ANKEF1: variants seen among roughly 807,000 people sequenced by gnomAD.
The protein encoded by ANKEF1 is ankyrin repeat and EF-hand domain-containing protein 1.
In ANKEF1, 43 loss-of-function variants were observed where a neutral mutation model predicts 65.1. The ratio of observed to expected loss-of-function variants is 0.66; its 90% CI spans 0.52 to 0.85. ANKEF1 has a LOEUF of 0.85. Ranked by LOEUF, ANKEF1 falls within the 40% of genes least tolerant of loss-of-function variation. ANKEF1 has a pLI of 0.00. For missense variants in ANKEF1, 934 were observed against 952.9 expected, an observed-to-expected ratio of 0.98 and a Z score of 0.26; for synonymous variants, 316 against 341.5, an observed-to-expected ratio of 0.93 and a Z score of 0.82.
At position 10,045,558 on chromosome 20, in the gene ANKEF1, A is replaced by T. The variant is rs1384077932; in HGVS notation, c.697-16A>T. The T allele has an allele frequency of 1.9e-6, 3 of 1,612,018 alleles. No homozygotes were observed. In the South Asian group the frequency reaches 3.3e-5, roughly 18 times the overall value. ...ACATTCCTATTCCTCCACAATATCCACTATTTATTTTACAGATATTGAAGC... is the reference window on the plus strand; with the variant it reads ...ACATTCCTATTCCTCCACAATATCCTCTATTTATTTTACAGATATTGAAGC... On this transcript the variant is annotated splice_polypyrimidine_tract_variant and intron_variant, in intron 5 of 10. Coordinates refer to ENST00000378392, the MANE Select transcript of ANKEF1 (RefSeq NM_022096.6).
At position 10,038,426 on chromosome 20, in the gene ANKEF1, A is replaced by G. The variant is rs751050385; in HGVS notation, c.125A>G (p.Tyr42Cys). The G allele has an allele frequency of 1.9e-6, 3 of 1,614,176 alleles. No homozygotes were observed. The highest frequency in any genetic ancestry group is 2.5e-6 in the Non-Finnish European group (3 of 1,180,002). Residue 42 changes from tyrosine (Y) to cysteine (C), a missense_variant, in exon 3 of 11, where the codon TAT becomes TGT. Transcript: ENST00000378392. Reference sequence around the variant, plus strand: ...CTTGGATACCCTGAACTAATCAATTATACAGAACCCATTAATGGACTTAGT... The same window carrying G: ...CTTGGATACCCTGAACTAATCAATTGTACAGAACCCATTAATGGACTTAGT... ...TKLGYPELINYTEPINGLSAL... is the reference protein window; with the variant it reads ...TKLGYPELINCTEPINGLSAL...
chr20:10,038,698 GA>G (rs1249255402), intron 3 of ANKEF1, 51 bp downstream of exon 3: 4 of 1,391,366 alleles, frequency 2.9e-6, no homozygotes, highest in Non-Finnish European at 2.9e-6. Context: ...TTTGTAGCCA[GA>G]AAGCAATAAC....
In ANKEF1 at chr20:10,045,450, T is replaced by A. The variant is rs1984460889; in HGVS notation, c.697-124T>A. 4.1e-6 allele frequency: 4 copies of A among 966,042 alleles called. No individual in the cohort carries two copies. In the South Asian group the frequency reaches 5.1e-5, roughly 12 times the overall value. The allele number at this position is 966,042 out of a possible 1,614,324, so 59.8% of individuals were successfully genotyped here. A position where few individuals can be genotyped will look rare whatever the true frequency, so the allele number is the denominator to read the frequency against. On this transcript the variant is annotated intron_variant, in intron 5 of 10. Transcript: ENST00000378392. Reference sequence around the variant, plus strand: ...ATTTTCAGTTTAGTTCATTTCAATTTGAATTTTCAATAGTCATACGTGGCT... The same window carrying A: ...ATTTTCAGTTTAGTTCATTTCAATTAGAATTTTCAATAGTCATACGTGGCT...
chr20:10,036,470 G>A (rs1312295621), intron 2 of ANKEF1, among the ~76,000 whole-genome samples: 5 of 152,156 alleles, frequency 3.3e-5, no homozygotes, highest in African/African-American at 9.7e-5. Context: ...TCACCAAGCC[G>A]TGCAGCAAAG....
In ANKEF1 at chr20:10,035,168, C is replaced by G. The variant is rs1983762335; in HGVS notation, c.-274C>G. On this transcript the variant is annotated 5_prime_UTR_variant, in exon 1 of 11. It adds an upstream start codon to the 5' untranslated region. Transcript: ENST00000378392. Reference sequence around the variant, plus strand: ...CTCACCAGCCCTACCCAAGGGACATCATTCACGCCTGGGCGCCTCCGCCGG... The same window carrying G: ...CTCACCAGCCCTACCCAAGGGACATGATTCACGCCTGGGCGCCTCCGCCGG... The G allele has an allele frequency of 6.6e-6, 1 of 152,428 alleles. No homozygotes were observed. The highest frequency in any genetic ancestry group is 6.5e-5 in the Admixed American group (1 of 15,294). The allele number at this position is 152,428 out of a possible 1,614,324, so 9.4% of individuals were successfully genotyped here. A position where few individuals can be genotyped will look rare whatever the true frequency, so the allele number is the denominator to read the frequency against.
intron 3 of ANKEF1, among the ~76,000 whole-genome samples, 179 bp from the exon 4 acceptor site, chr20:10,042,943 C>G (rs1984277095): frequency 6.6e-6 from 1 of 152,160 alleles, no homozygotes; most frequent in African/African-American, 2.4e-5. Context: ...CTAACGATGT[C>G]AGGAATTAAG....
chr20:10,049,256 T>C (rs1984690014), intron 6 of ANKEF1, 134 bp from the exon 7 acceptor site: 2 of 851,652 alleles, frequency 2.3e-6, no homozygotes, highest in Middle Eastern at 3.4e-4. Context: ...AATGTGCACA[T>C]CTCTATATAC....
rs1202731297 is a variant in ANKEF1 at position 10,054,513 on chromosome 20, G to A, written c.2086G>A (p.Val696Ile). Residue 696 changes from valine to isoleucine, a missense_variant, in exon 10 of 11, where the codon GTA becomes ATA. Val to Ile is a conservative substitution (Grantham distance 29). Transcript: ENST00000378392. ...GVPTTSEGKK[V>I]QKGNVVHLNS... Reference sequence around the variant, plus strand: ...ACCAACCACATCAGAGGGAAAGAAAGTACAGAAGGGTAATGTGGTTCATCT... The same window carrying A: ...ACCAACCACATCAGAGGGAAAGAAAATACAGAAGGGTAATGTGGTTCATCT... 1.2e-6 allele frequency: 2 copies of A among 1,607,786 alleles called. No homozygotes were observed. The highest frequency in any genetic ancestry group is 1.7e-5 in the Admixed American group (1 of 58,840).
chr20:10,040,470 A>G (rs988543750), intron 3 of ANKEF1, among the ~76,000 whole-genome samples: 4 of 152,362 alleles, frequency 2.6e-5, no homozygotes, highest in South Asian at 2.1e-4. Context: ...ACAGTTTTAC[A>G]GAATATGGAG....
Position 10,051,722 on chromosome 20 carries a change from C to G in ANKEF1, c.1703C>G (p.Ala568Gly). The change falls in exon 8 of 11, where the codon GCA (alanine) becomes GGA (glycine). Residue 568 changes from alanine (A) to glycine (G), a missense_variant. Physicochemically the swap from Ala to Gly is moderately conservative, Grantham distance 60. Transcript: ENST00000378392. ...ACTCCACTTCATTTTGCATGCCATGCAGGCCAACAAGACATTGTTGAGCTT... is the reference window on the plus strand; with the variant it reads ...ACTCCACTTCATTTTGCATGCCATGGAGGCCAACAAGACATTGTTGAGCTT... ...LWTPLHFACH[A>G]GQQDIVELLV... 1 of 1,613,740 alleles carries G rather than the reference C, an allele frequency of 6.2e-7. No homozygotes were observed.
rs1452571207 is a variant in ANKEF1 at position 10,045,576 on chromosome 20, A to G, written c.699A>G (p.Ile233Met). ...HFAAKGGFFD[I>M]LKLLFAYNGD... ...AATATCCACTATTTATTTTACAGAT[A>G]TTGAAGCTTCTTTTTGCCTACAATG... Residue 233 changes from isoleucine (I) to methionine (M), a missense_variant and splice_region_variant, in exon 6 of 11, where the codon ATA (isoleucine) becomes ATG (methionine). Coordinates refer to ENST00000378392, the MANE Select transcript of ANKEF1 (RefSeq NM_022096.6). 6.2e-7 allele frequency: 1 copy of G among 1,613,184 alleles called. No individual in the cohort carries two copies. Among genetic ancestry groups the G allele is most frequent in the Non-Finnish European group, 8.5e-7 (1 of 1,179,368 alleles).
rs1235424017 is a variant in ANKEF1, at chr20:10,044,438, A to G, written c.591A>G (p.Val197=). Residue 197 remains valine (V), a synonymous_variant, in exon 5 of 11, where the codon GTA becomes GTG. Coordinates refer to ENST00000378392, the MANE Select transcript of ANKEF1 (RefSeq NM_022096.6). ...TALMEASREG[V]VEIVRGILER... is the part of the protein sequence containing the mutation. Reference sequence around the variant, plus strand: ...TAATGGAAGCGTCAAGAGAAGGGGTAGTGGAAATAGTTCGAGGCATATTGG... The same window carrying G: ...TAATGGAAGCGTCAAGAGAAGGGGTGGTGGAAATAGTTCGAGGCATATTGG... The G allele has an allele frequency of 2.5e-6, 4 of 1,614,026 alleles. No homozygotes were observed. The highest frequency in any genetic ancestry group is 3.4e-6 in the Non-Finnish European group (4 of 1,180,004).
At position 10,038,316 on chromosome 20, in the gene ANKEF1, TA is replaced by T; in HGVS notation, c.17del (p.Lys6ArgfsTer23). MALAD[K>X]RLENLQIYKV... The stretch of plus-strand genomic sequence containing the variant: ...GCTGGTCAAGCATGGCTTTAGCAGA[TA>T]AGAGACTTGAGAACTTACAGATCTA... On this transcript the variant is annotated frameshift_variant, in exon 3 of 11. Transcript: ENST00000378392. LOFTEE classifies it high-confidence loss of function. 6.4e-7 allele frequency: 1 copy of T among 1,564,550 alleles called. No individual in the cohort carries two copies. Among genetic ancestry groups the T allele is most frequent in the South Asian group, 1.2e-5 (1 of 82,492 alleles).
chr20:10,050,494 T>A (rs929919640), intron 7 of ANKEF1, among the ~76,000 whole-genome samples: 3 of 152,154 alleles, frequency 2.0e-5, no homozygotes, highest in Admixed American at 6.5e-5. Context: ...ATGGCTAGGG[T>A]TAGAAAAGGA....
chr20:10,053,255 C>T lies in ANKEF1; in HGVS notation c.2014C>T (p.Pro672Ser). The T allele has an allele frequency of 6.3e-7, 1 of 1,592,390 alleles. No individual in the cohort carries two copies. The highest frequency in any genetic ancestry group is 8.5e-7 in the Non-Finnish European group (1 of 1,174,286). Residue 672 changes from proline (P) to serine (S), a missense_variant, in exon 9 of 11, where the codon CCT becomes TCT. By Grantham distance (74) the Pro-to-Ser change is moderately conservative. Transcript: ENST00000378392. ...ACCTCCTATACTGAAGACTGAAGGC[C>T]CTGAAATTAAGAAAGAAGAGGTAAG... ...KTPPILKTEG[P>S]EIKKEEELLS...
chr20:10,055,524 C>G lies in ANKEF1; in HGVS notation c.2195C>G (p.Thr732Arg), dbSNP rs1463028917. 1.2e-6 allele frequency: 2 copies of G among 1,613,664 alleles called. No homozygotes were observed. The highest frequency in any genetic ancestry group is 1.1e-5 in the South Asian group (1 of 91,066). Reference sequence around the variant, plus strand: ...AAGATTTGGAGTCCTGAAGCCACAACAGCAGAGCTGATCAGGAAGAGGGAA... The same window carrying G: ...AAGATTTGGAGTCCTGAAGCCACAAGAGCAGAGCTGATCAGGAAGAGGGAA... ...PRRIWSPEATTAELIRKRELR... is the reference protein window; with the variant it reads ...PRRIWSPEATRAELIRKRELR... The change falls in exon 11 of 11, where the codon ACA (threonine) becomes AGA (arginine). Residue 732 changes from threonine to arginine, a missense_variant. Thr to Arg is a moderately conservative substitution (Grantham distance 71). Transcript: ENST00000378392.
intron 3 of ANKEF1, among the ~76,000 whole-genome samples, chr20:10,041,494 T>A (rs939161584): frequency 2.6e-5 from 4 of 152,064 alleles, no homozygotes; most frequent in Non-Finnish European, 5.9e-5. Flanking sequence ...CCACTCAATT[T>A]TATACTCAAT....
chr20:10,048,716 A>G (rs1600519478), intron 6 of ANKEF1, among the ~76,000 whole-genome samples: 1 of 152,152 alleles, frequency 6.6e-6, no homozygotes, highest in Admixed American at 6.5e-5. Flanking sequence ...TTTATAAATG[A>G]TGTTGGAATC....
At chr20:10,044,800 A>G (rs1412710251) in intron 5 of ANKEF1, among the ~76,000 whole-genome samples, 1 of 152,164 alleles carries the variant, frequency 6.6e-6, no homozygotes, top group African/African-American at 2.4e-5. Flanking sequence ...GATGATAACA[A>G]TTTAAAACTT....
Sources: allele counts gnomAD v4.1 joint callset (sites outside exome capture counted in the v4.1 genomes callset), GRCh38; gene constraint gnomAD v4.1.1; transcripts MANE v1.5; gene names NCBI Gene and HGNC (gene_info 2026-07-23, HGNC 2026-07-21).